AAGAB: variants seen among roughly 807,000 people sequenced by gnomAD.
The protein encoded by AAGAB is alpha- and gamma-adaptin-binding protein p34.
AAGAB carries 38 observed loss-of-function variants against 44.1 expected under a neutral mutation model. The ratio of observed to expected loss-of-function variants is 0.86; its 90% CI spans 0.67 to 1.13. The LOEUF is 1.13. Among genes scored for constraint, AAGAB ranks in the 50% most tolerant of loss-of-function variants. The probability of loss-of-function intolerance (pLI) is 0.00; values close to 1 mark genes in which losing one functional copy is unlikely to be tolerated. For synonymous variants in AAGAB, 131 were observed against 131.8 expected (o/e 0.99, Z 0.04); for missense variants, 450 against 373.8 (o/e 1.20, Z -1.68).
At chr15:67,236,103 A>G (rs1236968283) in intron 3 of AAGAB, 35 bp from the exon 4 acceptor site, 1 of 1,467,646 alleles carries the variant, frequency 6.8e-7, no homozygotes, top group Admixed American at 1.8e-5. Flanking sequence ...TCATAAGTAA[A>G]AAGAAAATAA....
intron 9 of AAGAB, 50 bp downstream of exon 9, chr15:67,203,498 G>C (rs568260692): frequency 1.2e-5 from 17 of 1,465,010 alleles, no homozygotes; most frequent in African/African-American, 4.2e-5. Flanking sequence ...TATAATAATA[G>C]CACTGGACCT....
chr15:67,248,120 T>A (rs950828264), intron 1 of AAGAB, among the ~76,000 whole-genome samples: 1 of 152,248 alleles, frequency 6.6e-6, no homozygotes, highest in Non-Finnish European at 1.5e-5. Context: ...GGAGAAAGTA[T>A]GAACATTTAT....
chr15:67,200,797 T>C lies in AAGAB; in HGVS notation c.*2024A>G, dbSNP rs1963554661. ...TATTCTAACATGGGCTTTTAGTAGATTTCACTAGAGACCTTCATCCCATAT... is the reference window on the plus strand; with the variant it reads ...TATTCTAACATGGGCTTTTAGTAGACTTCACTAGAGACCTTCATCCCATAT... On this transcript the variant is annotated 3_prime_UTR_variant, in exon 10 of 10. Coordinates refer to ENST00000261880, the MANE Select transcript of AAGAB (RefSeq NM_024666.5). 6.6e-6 allele frequency among the ~76,000 whole-genome samples: 1 copy of C among 152,252 alleles called. No individual in the cohort carries two copies. The highest frequency in any genetic ancestry group is 2.1e-4 in the South Asian group (1 of 4,834).
chr15:67,231,831 T>C lies in AAGAB; in HGVS notation c.518A>G (p.Asn173Ser), dbSNP rs1157559889. Residue 173 changes from asparagine to serine, a missense_variant, in exon 5 of 10, where the codon AAT becomes AGT. By Grantham distance (46) the Asn-to-Ser change is conservative. Transcript: ENST00000261880. ...VQALNANVWS[N>S]VVMKNDRNQG... The stretch of plus-strand genomic sequence containing the variant: ...TTACTTACCATTCTTCATCACTACA[T>C]TGGACCACACATTGGCATTCAGGGC... 2.3e-5 allele frequency: 37 copies of C among 1,612,084 alleles called. No homozygotes were observed. The highest frequency in any genetic ancestry group is 4.5e-5 in the East Asian group (2 of 44,838).
chr15:67,236,622 A>G lies in AAGAB; in HGVS notation c.264+8T>C. The G allele has an allele frequency of 6.2e-7, 1 of 1,610,578 alleles. No individual in the cohort carries two copies. The highest frequency in any genetic ancestry group is 8.5e-7 in the Non-Finnish European group (1 of 1,178,434). On this transcript the variant is annotated splice_region_variant and intron_variant, in intron 2 of 9. Coordinates refer to ENST00000261880, the MANE Select transcript of AAGAB (RefSeq NM_024666.5). ...TTATTCAAGCCTTCATAGAAAACAA[A>G]GTCTTACTTGTGTGCTGTCAAAGTA... is the stretch of plus-strand genomic sequence containing the variant.
chr15:67,212,739 T>C (rs1325564534), intron 5 of AAGAB, among the ~76,000 whole-genome samples: 2 of 152,170 alleles, frequency 1.3e-5, no homozygotes, highest in African/African-American at 4.8e-5. Flanking sequence ...CATATTAACA[T>C]TGCTCAAAAA....
intron 8 of AAGAB, 95 bp downstream of exon 8, chr15:67,203,949 G>A: frequency 1.3e-6 from 1 of 770,368 alleles, no homozygotes; most frequent in East Asian, 2.7e-5. Context: ...ACCAGAACAA[G>A]GAATCCAATC....
chr15:67,229,878 T>A (rs1158260979), intron 5 of AAGAB, among the ~76,000 whole-genome samples: 8 of 152,058 alleles, frequency 5.3e-5, no homozygotes. Context: ...AATGGAGTCT[T>A]GCTCTGTCGC....
chr15:67,224,585 C>CTTTTT (rs892410820), intron 5 of AAGAB, among the ~76,000 whole-genome samples: 1 of 138,832 alleles, frequency 7.2e-6, no homozygotes, highest in Non-Finnish European at 1.6e-5. Flanking sequence ...TTTTTCTTTT[C>CTTTTT]TTTTTTTTTT....
intron 4 of AAGAB, 48 bp from the exon 5 acceptor site, chr15:67,231,945 G>T: frequency 6.7e-7 from 1 of 1,482,218 alleles, no homozygotes; most frequent in Non-Finnish European, 9.4e-7. Context: ...CACTCACACA[G>T]ATATACATAT....
chr15:67,204,364 A>G (rs1463383986), intron 7 of AAGAB, among the ~76,000 whole-genome samples: 1 of 152,220 alleles, frequency 6.6e-6, no homozygotes, highest in Non-Finnish European at 1.5e-5. Flanking sequence ...TCATGAGGTA[A>G]GGAGTACTAT....
Position 67,203,602 on chromosome 15 carries a change from G to T in AAGAB, c.821-5C>A, listed in dbSNP as rs774144509. On this transcript the variant is annotated splice_polypyrimidine_tract_variant and splice_region_variant and intron_variant, in intron 8 of 9. Coordinates refer to ENST00000261880, the MANE Select transcript of AAGAB (RefSeq NM_024666.5). ...GAGGAAGCGTCGCAGCCTTGTCTAG[G>T]GGGAAAATATATCTTAAGAAATTTG... The T allele has an allele frequency of 3.1e-6, 5 of 1,612,898 alleles. No individual in the cohort carries two copies. Among genetic ancestry groups the T allele is most frequent in the Non-Finnish European group, 4.2e-6 (5 of 1,179,662 alleles).
At chr15:67,250,744 T>C (rs916827642) in intron 1 of AAGAB, among the ~76,000 whole-genome samples, 4 of 152,038 alleles carry the variant, frequency 2.6e-5, no homozygotes, top group Admixed American at 1.3e-4. Context: ...ATCTACCCTG[T>C]CGCCGGGTGC....
At chr15:67,245,124 A>AT (rs2140393389) in intron 1 of AAGAB, among the ~76,000 whole-genome samples, 1 of 152,328 alleles carries the variant, frequency 6.6e-6, no homozygotes, top group Non-Finnish European at 1.5e-5. Context: ...CCAAATATAA[A>AT]TTTACCATAT....
intron 1 of AAGAB, among the ~76,000 whole-genome samples, chr15:67,237,207 G>A (rs147867812): frequency 6.6e-6 from 1 of 152,140 alleles, no homozygotes; most frequent in African/African-American, 2.4e-5. Flanking sequence ...TCTAGAATTT[G>A]TAACTATTTT....
At chr15:67,232,162 G>A (rs947205331) in intron 4 of AAGAB, among the ~76,000 whole-genome samples, 3 of 151,232 alleles carry the variant, frequency 2.0e-5, no homozygotes, top group South Asian at 2.1e-4. Context: ...GCTGAGGCAG[G>A]AGAACTGCTT....
intron 5 of AAGAB, among the ~76,000 whole-genome samples, chr15:67,230,312 A>C (rs1964306430): frequency 6.6e-6 from 1 of 152,214 alleles, no homozygotes; most frequent in African/African-American, 2.4e-5. Context: ...CGTATGCTGA[A>C]GTCCTAACCT....
intron 1 of AAGAB, among the ~76,000 whole-genome samples, chr15:67,251,202 CTTATT>C (rs942991025): frequency 6.6e-6 from 1 of 151,224 alleles, no homozygotes; most frequent in Non-Finnish European, 1.5e-5. Flanking sequence ...CCTACTGATT[CTTATT>C]TTAAGTGCGT....
chr15:67,222,634 T>C (rs1196389582), intron 5 of AAGAB, among the ~76,000 whole-genome samples: 2 of 152,086 alleles, frequency 1.3e-5, no homozygotes, highest in Non-Finnish European at 2.9e-5. Flanking sequence ...GCAAAGCCAG[T>C]CCCTCCACTT....
Sources: allele counts gnomAD v4.1 joint callset (sites outside exome capture counted in the v4.1 genomes callset), GRCh38; gene constraint gnomAD v4.1.1; transcripts MANE v1.5; gene names NCBI Gene and HGNC (gene_info 2026-07-23, HGNC 2026-07-21).